LRCH3: variants seen among roughly 807,000 people sequenced by gnomAD.
LRCH3 encodes DISP complex protein LRCH3.
In LRCH3, 68 loss-of-function variants were observed where a neutral mutation model predicts 104.5. The observed-to-expected ratio is 0.65, with a 90% CI of 0.54 to 0.80. The LOEUF (loss-of-function observed/expected upper bound fraction) is 0.80, where lower values mean the gene tolerates loss of function less well. Among genes scored for constraint, LRCH3 ranks in the 30% least tolerant of loss-of-function variants. LRCH3 has a pLI of 0.00. For missense variants in LRCH3, 951 were observed against 953.9 expected, an observed-to-expected ratio of 1.00 and a Z score of 0.04; for synonymous variants, 344 against 361.3, an observed-to-expected ratio of 0.95 and a Z score of 0.54.
chr3:197,809,709 CT>C (rs1248546595), intron 1 of LRCH3, among the ~76,000 whole-genome samples: 3 of 151,892 alleles, frequency 2.0e-5, no homozygotes, highest in Non-Finnish European at 2.9e-5. Context: ...ATCCATTGAG[CT>C]TTTTCTGTGT....
intron 1 of LRCH3, among the ~76,000 whole-genome samples, chr3:197,798,963 T>C (rs1034426299): frequency 1.3e-5 from 2 of 151,250 alleles, no homozygotes; most frequent in African/African-American, 2.5e-5. Flanking sequence ...GCACAGATAA[T>C]AGAACTCTCT....
chr3:197,885,855 A>G lies in LRCH3; in HGVS notation c.*2189A>G, dbSNP rs1053066007. The G allele has an allele frequency of 2.0e-5, 3 of 152,196 alleles. No homozygotes were observed. Among genetic ancestry groups the G allele is most frequent in the Non-Finnish European group, 4.4e-5 (3 of 68,034 alleles). 9.4% of individuals were successfully genotyped at this position (152,196 alleles called of 1,614,324 possible). A position where few individuals can be genotyped will look rare whatever the true frequency, so the allele number is the denominator to read the frequency against. ...TATCTCTTTTGTTTCTGTAGTTGTTAACTGTTCTGGATTTTCTTTACAATG... is the reference window on the plus strand; with the variant it reads ...TATCTCTTTTGTTTCTGTAGTTGTTGACTGTTCTGGATTTTCTTTACAATG... On this transcript the variant is annotated 3_prime_UTR_variant, in exon 21 of 21. Transcript: ENST00000425562.
chr3:197,874,132 T>C (rs1275044683), intron 19 of LRCH3, among the ~76,000 whole-genome samples: 2 of 152,170 alleles, frequency 1.3e-5, no homozygotes, highest in Non-Finnish European at 2.9e-5. Context: ...CCAAGTTTTC[T>C]TTAGTGCAGG....
intron 10 of LRCH3, among the ~76,000 whole-genome samples, chr3:197,843,411 G>C (rs1738119938): frequency 6.6e-6 from 1 of 151,956 alleles, no homozygotes; most frequent in African/African-American, 2.4e-5. Flanking sequence ...ATACTGGCCG[G>C]GTGTAATACA....
intron 20 of LRCH3, chr3:197,881,678 A>G (rs1261789639): frequency 1.0e-6 from 1 of 985,316 alleles, no homozygotes; most frequent in East Asian, 1.1e-4. Flanking sequence ...TGGAAACTAT[A>G]ATTGCGGTTA....
intron 14 of LRCH3, among the ~76,000 whole-genome samples, chr3:197,858,569 AT>A (rs532386443): frequency 4.9e-4 from 74 of 152,210 alleles, no homozygotes; most frequent in African/African-American, 1.7e-3. Context: ...GCATAAAATC[AT>A]TTTTCAGAAA....
chr3:197,804,810 T>C (rs911471508), intron 1 of LRCH3, among the ~76,000 whole-genome samples: 1 of 152,224 alleles, frequency 6.6e-6, no homozygotes, highest in Non-Finnish European at 1.5e-5. Flanking sequence ...CACTTCCTTA[T>C]TTTCTAATGT....
At chr3:197,880,182 T>C (rs1189625066) in intron 20 of LRCH3, among the ~76,000 whole-genome samples, 1 of 151,924 alleles carries the variant, frequency 6.6e-6, no homozygotes, top group Non-Finnish European at 1.5e-5. Flanking sequence ...CCTGACCTCG[T>C]GATCCACCCG....
At chr3:197,830,074 G>A (rs911021024) in intron 6 of LRCH3, among the ~76,000 whole-genome samples, 3 of 152,224 alleles carry the variant, frequency 2.0e-5, no homozygotes, top group Non-Finnish European at 4.4e-5. Flanking sequence ...TGCTGCTGAG[G>A]TAACTAGCCG....
chr3:197,820,808 A>T (rs1004415846), intron 4 of LRCH3, among the ~76,000 whole-genome samples: 5 of 151,858 alleles, frequency 3.3e-5, no homozygotes, highest in Admixed American at 2.6e-4. Flanking sequence ...GACCTTTTTT[A>T]AAAAAACGGG....
chr3:197,792,315 T>C (rs1417532039), intron 1 of LRCH3, among the ~76,000 whole-genome samples: 1 of 151,728 alleles, frequency 6.6e-6, no homozygotes, highest in African/African-American at 2.4e-5. Flanking sequence ...GTCTAACATA[T>C]TTGTACTTGC....
chr3:197,827,407 T>C (rs1456087064), intron 5 of LRCH3, among the ~76,000 whole-genome samples: 1 of 151,894 alleles, frequency 6.6e-6, no homozygotes, highest in Admixed American at 6.6e-5. Flanking sequence ...AAGCATCAGG[T>C]AAATCATAGT....
intron 5 of LRCH3, among the ~76,000 whole-genome samples, chr3:197,827,221 G>C (rs1735319556): frequency 6.6e-6 from 1 of 151,870 alleles, no homozygotes. Flanking sequence ...GGAAGCATCA[G>C]GTAAACCATG....
chr3:197,850,487 A>C, intron 12 of LRCH3: 2 of 1,591,828 alleles, frequency 1.3e-6, no homozygotes, highest in East Asian at 4.5e-5. Flanking sequence ...GTTTAGGAAC[A>C]ATCTGTTCCT....
chr3:197,812,504 G>GTTTTTGTTTTTTTTTTT (rs1733253022), intron 1 of LRCH3, among the ~76,000 whole-genome samples: 1 of 48,976 alleles, frequency 2.0e-5, no homozygotes, highest in Non-Finnish European at 3.5e-5. Flanking sequence ...TCTGCTTTCA[G>GTTTTTGTTTTTTTTTTT]TTTTTTTTTT....
At chr3:197,800,771 G>C (rs1731793508) in intron 1 of LRCH3, among the ~76,000 whole-genome samples, 1 of 152,120 alleles carries the variant, frequency 6.6e-6, no homozygotes, top group Admixed American at 6.6e-5. Flanking sequence ...CTTAAGTGAT[G>C]ATCACCAGTA....
rs1181043551 is a variant in LRCH3 at position 197,792,604 on chromosome 3, T to TAA, written c.262+1067_262+1068dup. 1.0e-4 allele frequency among the ~76,000 whole-genome samples: 6 copies of TAA among 58,524 alleles called. 1 individual carries two copies. The highest frequency in any genetic ancestry group is 2.3e-4 in the Admixed American group (1 of 4,360). 38.4% of individuals were successfully genotyped at this position (58,524 alleles called of 152,430 possible). On this transcript the variant is annotated intron_variant, in intron 1 of 20. Transcript: ENST00000425562. ...ATATATATATATATATATATATATA[T>TAA]AAAATATACATATATATATAATATA...
intron 1 of LRCH3, among the ~76,000 whole-genome samples, chr3:197,794,582 A>G (rs1730980219): frequency 6.6e-6 from 1 of 152,256 alleles, no homozygotes; most frequent in African/African-American, 2.4e-5. Flanking sequence ...TGTAGCATGT[A>G]CATGGTAGAG....
intron 1 of LRCH3, among the ~76,000 whole-genome samples, chr3:197,802,945 A>G (rs758774880): frequency 7.2e-5 from 11 of 152,192 alleles, no homozygotes; most frequent in African/African-American, 2.4e-4. Context: ...TCTCAAGGAT[A>G]ATACTAGTGA....
Sources: gnomAD v4.1 joint callset for allele counts (sites outside exome capture counted in the v4.1 genomes callset) on GRCh38, gnomAD v4.1.1 for gene constraint, MANE v1.5 for transcripts, NCBI Gene and HGNC (gene_info 2026-07-23, HGNC 2026-07-21) for gene names.